The following CACNB2 variants were observed in gnomAD, a reference collection of about 807,000 sequenced individuals.
CACNB2 encodes voltage-dependent L-type calcium channel subunit beta-2.
A neutral mutation model predicts 73.3 loss-of-function variants in CACNB2; 42 were observed. That is an observed-to-expected ratio of 0.57 (90% CI 0.45 to 0.74). The LOEUF is 0.74. CACNB2 is among the 30% of genes least tolerant of loss of function. The pLI is 0.00. For synonymous variants in CACNB2, 348 were observed against 310.3 expected, an observed-to-expected ratio of 1.12 and a Z score of -1.28; for missense variants, 940 against 853.0, an observed-to-expected ratio of 1.10 and a Z score of -1.27.
chr10:18,437,957 G>A (rs2046219341), intron 3 of CACNB2, among the ~76,000 whole-genome samples: 1 of 150,512 alleles, frequency 6.6e-6, no homozygotes, highest in Non-Finnish European at 1.5e-5. Flanking sequence ...AAACTCAGGG[G>A]AATGGCCCTG....
At chr10:18,308,364 G>A (rs759652684) in intron 2 of CACNB2, among the ~76,000 whole-genome samples, 1 of 152,066 alleles carries the variant, frequency 6.6e-6, no homozygotes, top group Non-Finnish European at 1.5e-5. Context: ...TATAGGGAAG[G>A]ATTGCTATCA....
chr10:18,220,138 T>C (rs1564353304), intron 2 of CACNB2, among the ~76,000 whole-genome samples: 2 of 36,968 alleles, frequency 5.4e-5, no homozygotes, highest in Non-Finnish European at 4.2e-5. Flanking sequence ...TATATATATA[T>C]ATATATATAT....
rs542268133 is a variant in CACNB2, at chr10:18,476,867, A to G, written c.334-21488A>G. On this transcript the variant is annotated intron_variant, in intron 3 of 13. Coordinates refer to ENST00000324631, the MANE Select transcript of CACNB2 (RefSeq NM_201596.3). ...GTCTCTACCAAAAATATTTATTTAA[A>G]AAACTAGCCATGTGTAGTGGCACAC... Among the ~76,000 whole-genome samples the G allele has an allele frequency of 1.2e-4, 19 of 152,246 alleles. No individual in the cohort carries two copies. The South Asian group carries it at 3.7e-3, about 30-fold the overall frequency.
At chr10:18,242,136 T>A (rs1441929880) in intron 2 of CACNB2, among the ~76,000 whole-genome samples, 2 of 151,840 alleles carry the variant, frequency 1.3e-5, no homozygotes, top group Non-Finnish European at 2.9e-5. Flanking sequence ...TATATATATA[T>A]ATACACACAA....
intron 2 of CACNB2, among the ~76,000 whole-genome samples, chr10:18,192,950 A>C (rs1170675956): frequency 2.0e-5 from 3 of 152,166 alleles, no homozygotes; most frequent in Admixed American, 6.6e-5. Context: ...TGCTATGAAC[A>C]TTTATGTATC....
Position 18,433,485 on chromosome 10 carries a change from T to C in CACNB2, c.333+31442T>C, listed in dbSNP as rs1007470074. Among the ~76,000 whole-genome samples the C allele has an allele frequency of 1.7e-4, 26 of 152,258 alleles. 1 individual carries two copies. Among genetic ancestry groups the C allele is most frequent in the Non-Finnish European group, 3.4e-4 (23 of 68,010 alleles). ...TCCAAGACCAAGCACTTAGGAAAAATAGCTGATGTTTCTGCAACTCAGAAG... is the reference window on the plus strand; with the variant it reads ...TCCAAGACCAAGCACTTAGGAAAAACAGCTGATGTTTCTGCAACTCAGAAG... On this transcript the variant is annotated intron_variant, in intron 3 of 13. Coordinates refer to ENST00000324631, the MANE Select transcript of CACNB2 (RefSeq NM_201596.3).
intron 3 of CACNB2, among the ~76,000 whole-genome samples, chr10:18,468,199 C>T (rs940240066): frequency 6.6e-6 from 1 of 152,144 alleles, no homozygotes; most frequent in Admixed American, 6.6e-5. Flanking sequence ...GTGGCTCACG[C>T]CTGCAATCCC....
rs1564682139 is a variant in CACNB2, at chr10:18,540,331, ATAATATATATAT to A, written c.*608_*619del. 3 of 149,500 alleles carry A rather than the reference ATAATATATATAT, an allele frequency of 2.0e-5. No individual in the cohort carries two copies. The highest frequency in any genetic ancestry group is 4.4e-5 in the Non-Finnish European group (3 of 67,532). 9.3% of individuals were successfully genotyped at this position (149,500 alleles called of 1,614,324 possible). ...AAACAAACACCTTCTTATTATATAT[ATAATATATATAT>A]ATATCAGTTTGATCACACTATTTTA... On this transcript the variant is annotated 3_prime_UTR_variant, in exon 14 of 14. Coordinates refer to ENST00000324631, the MANE Select transcript of CACNB2 (RefSeq NM_201596.3).
chr10:18,251,949 A>G (rs1564377688), intron 2 of CACNB2, among the ~76,000 whole-genome samples: 2 of 152,220 alleles, frequency 1.3e-5, no homozygotes, highest in Non-Finnish European at 2.9e-5. Flanking sequence ...GTGGGGACAC[A>G]GAGCCAAACC....
At chr10:18,308,371 A>G (rs1427278710) in intron 2 of CACNB2, among the ~76,000 whole-genome samples, 3 of 152,128 alleles carry the variant, frequency 2.0e-5, no homozygotes, top group African/African-American at 7.2e-5. Flanking sequence ...AAGGATTGCT[A>G]TCACAGGGAT....
At chr10:18,211,995 AAAT>A (rs1226261825) in intron 2 of CACNB2, among the ~76,000 whole-genome samples, 5 of 152,160 alleles carry the variant, frequency 3.3e-5, no homozygotes, top group Non-Finnish European at 5.9e-5. Context: ...CATATGTAGA[AAAT>A]AATATTTTCA....
At chr10:18,514,901 A>G in intron 7 of CACNB2, 1 of 915,414 alleles carries the variant, frequency 1.1e-6, no homozygotes, top group South Asian at 1.4e-5. Context: ...GACTTATGAT[A>G]TCCAGATACA....
intron 3 of CACNB2, among the ~76,000 whole-genome samples, chr10:18,407,109 CTTTTTTT>C (rs71507267): frequency 4.8e-3 from 170 of 35,600 alleles, no homozygotes; most frequent in African/African-American, 0.016. Flanking sequence ...GCTGTTCTGT[CTTTTTTT>C]TTTTTTTTTT....
At chr10:18,406,786 T>G (rs1358949029) in intron 3 of CACNB2, among the ~76,000 whole-genome samples, 1 of 152,126 alleles carries the variant, frequency 6.6e-6, no homozygotes. Flanking sequence ...AACAATTGTT[T>G]TCCCTGGTGC....
Position 18,514,328 on chromosome 10 carries a change from T to C in CACNB2, c.763T>C (p.Ser255Pro), listed in dbSNP as rs1258899563. 3 of 1,614,130 alleles carry C rather than the reference T, an allele frequency of 1.9e-6. No homozygotes were observed. Among genetic ancestry groups the C allele is most frequent in the Non-Finnish European group, 1.7e-6 (2 of 1,180,012 alleles). The change falls in exon 7 of 14, where the codon TCA (serine) becomes CCA (proline). Residue 255 changes from serine to proline, a missense_variant. By Grantham distance (74) the Ser-to-Pro change is moderately conservative. Transcript: ENST00000324631. ...SPKPSANSVTSPHSKEKRMPF... is the reference protein window; with the variant it reads ...SPKPSANSVTPPHSKEKRMPF... Reference sequence around the variant, plus strand: ...TAAACCCAGTGCAAACAGTGTAACGTCACCCCACTCCAAAGAGAAAAGAAT... The same window carrying C: ...TAAACCCAGTGCAAACAGTGTAACGCCACCCCACTCCAAAGAGAAAAGAAT...
chr10:18,347,015 C>A (rs751938233), intron 2 of CACNB2, among the ~76,000 whole-genome samples: 1 of 152,074 alleles, frequency 6.6e-6, no homozygotes, highest in African/African-American at 2.4e-5. Flanking sequence ...TCAGAAGGGG[C>A]CATACTCATT....
intron 2 of CACNB2, among the ~76,000 whole-genome samples, chr10:18,230,649 T>C: frequency 6.6e-6 from 1 of 152,200 alleles, no homozygotes; most frequent in East Asian, 1.9e-4. Flanking sequence ...AAGTAAAATA[T>C]GTCATTCTTA....
chr10:18,520,371 A>T (rs1342079811), intron 9 of CACNB2, among the ~76,000 whole-genome samples: 1 of 152,192 alleles, frequency 6.6e-6, no homozygotes, highest in Non-Finnish European at 1.5e-5. Context: ...TCTTCAAAAT[A>T]TATTCAGAAT....
At chr10:18,367,364 C>T (rs371984095) in intron 2 of CACNB2, among the ~76,000 whole-genome samples, 2 of 152,084 alleles carry the variant, frequency 1.3e-5, no homozygotes, top group African/African-American at 2.4e-5. Flanking sequence ...TATCTTCACA[C>T]GTCTTCTGAA....
Sources: allele counts gnomAD v4.1 joint callset (sites outside exome capture counted in the v4.1 genomes callset), GRCh38; gene constraint gnomAD v4.1.1; transcripts MANE v1.5; gene names NCBI Gene and HGNC (gene_info 2026-07-23, HGNC 2026-07-21).